Variants in ATP8B1 observed in about 807,000 individuals in gnomAD.
The protein encoded by ATP8B1 is ATPase phospholipid transporting 8B1, also known as phospholipid-transporting ATPase IC.
A neutral mutation model predicts 149.9 loss-of-function variants in ATP8B1; 80 were observed. The observed-to-expected ratio is 0.53, with a 90% CI of 0.45 to 0.64. ATP8B1 has a LOEUF of 0.64. Among genes scored for constraint, ATP8B1 ranks in the 30% least tolerant of loss-of-function variants. ATP8B1 has a pLI of 0.00. For missense variants in ATP8B1, 1,247 were observed against 1,552.6 expected (o/e 0.80, Z 3.31); for synonymous variants, 536 against 562.8 (o/e 0.95, Z 0.67).
chr18:57,758,945 C>T (rs1335648003), intron 1 of ATP8B1, among the ~76,000 whole-genome samples: 1 of 151,938 alleles, frequency 6.6e-6, no homozygotes, highest in Non-Finnish European at 1.5e-5. Context: ...ATCACAAGGT[C>T]AAGAGATCAA....
intron 23 of ATP8B1, among the ~76,000 whole-genome samples, 174 bp downstream of exon 23, chr18:57,655,020 C>T (rs780501306): frequency 2.6e-5 from 4 of 152,176 alleles, no homozygotes; most frequent in Non-Finnish European, 4.4e-5. Flanking sequence ...AATGTTTTTA[C>T]AGCACCAGAA....
At chr18:57,669,562 C>G in intron 17 of ATP8B1, 80 bp from the exon 18 acceptor site, 5 of 1,337,148 alleles carry the variant, frequency 3.7e-6, no homozygotes, top group Non-Finnish European at 5.2e-6. Context: ...TGAAATTTTA[C>G]TTTGAAGTAA....
At chr18:57,656,456 G>A (rs1372263897) in intron 22 of ATP8B1, among the ~76,000 whole-genome samples, 1 of 150,518 alleles carries the variant, frequency 6.6e-6, no homozygotes, top group Non-Finnish European at 1.5e-5. Context: ...CGCAGTCTTG[G>A]CTCACTGCAA....
At chr18:57,692,088 C>T in intron 11 of ATP8B1, 91 bp from the exon 12 acceptor site, 1 of 1,529,950 alleles carries the variant, frequency 6.5e-7, no homozygotes, top group Non-Finnish European at 8.8e-7. Context: ...CTCAATACTT[C>T]ATATGATTGA....
At chr18:57,739,408 T>G (rs993465867) in intron 1 of ATP8B1, among the ~76,000 whole-genome samples, 19 of 152,196 alleles carry the variant, frequency 1.2e-4, no homozygotes, top group African/African-American at 4.6e-4. Context: ...CACCTACATT[T>G]CTGTTTCCTT....
rs750928701 is a variant in ATP8B1 at position 57,697,638 on chromosome 18, C to T, written c.678G>A (p.Val226=). The T allele has an allele frequency of 6.2e-7, 1 of 1,613,898 alleles. No homozygotes were observed. The highest frequency in any genetic ancestry group is 1.1e-5 in the South Asian group (1 of 91,044). ...CTTACCCATCCAGTTCTGCTGTTTC[C>T]ACATAGCAGAGGCTGTTAGGCTCAG... ...SSSEPNSLCY[V]ETAELDGETN... is the part of the protein sequence containing the mutation. The change falls in exon 8 of 28, where the codon GTG becomes GTA. Residue 226 remains valine (V), a synonymous_variant. Coordinates refer to ENST00000648908, the MANE Select transcript of ATP8B1 (RefSeq NM_001374385.1).
At chr18:57,697,757 A>G (rs778581052) in intron 7 of ATP8B1, 38 bp downstream of exon 7, 1 of 1,612,340 alleles carries the variant, frequency 6.2e-7, no homozygotes, top group East Asian at 2.2e-5. Context: ...GGGCTGGGGG[A>G]GAACAAGGAA....
At chr18:57,778,808 G>T (rs986233865) in intron 1 of ATP8B1, among the ~76,000 whole-genome samples, 5 of 152,106 alleles carry the variant, frequency 3.3e-5, no homozygotes, top group African/African-American at 9.7e-5. Flanking sequence ...GAGGGAAGTG[G>T]GGTGTTTCTG....
chr18:57,688,431 G>C lies in ATP8B1; in HGVS notation c.1297C>G (p.Pro433Ala). ...AGTGTGGTGGTTCTAGCTTTTGCGG[G>C]TGTGTCCTTCTCAGCATAGTACATT... ...LQMYYAEKDTPAKARTTTLNE... is the reference protein window; with the variant it reads ...LQMYYAEKDTAAKARTTTLNE... The change falls in exon 13 of 28, where the codon CCC becomes GCC. Residue 433 changes from proline (P) to alanine (A), a missense_variant. Around this residue, in one of 3 missense-constraint regions of ATP8B1, gnomAD observed 853 missense variants for 1,035.7 expected, o/e 0.82. Coordinates refer to ENST00000648908, the MANE Select transcript of ATP8B1 (RefSeq NM_001374385.1). 1 of 1,614,194 alleles carries C rather than the reference G, an allele frequency of 6.2e-7. No individual in the cohort carries two copies. The highest frequency in any genetic ancestry group is 8.5e-7 in the Non-Finnish European group (1 of 1,180,038).
chr18:57,720,927 G>T (rs2079639037), intron 2 of ATP8B1, among the ~76,000 whole-genome samples: 1 of 150,338 alleles, frequency 6.7e-6, no homozygotes, highest in Non-Finnish European at 1.5e-5. Context: ...CCAGAAGAGA[G>T]TGGGGGCCAG....
intron 6 of ATP8B1, among the ~76,000 whole-genome samples, chr18:57,699,707 C>T (rs1455815477): frequency 2.0e-5 from 3 of 147,538 alleles, no homozygotes; most frequent in South Asian, 4.3e-4. Flanking sequence ...GGCGACAGAG[C>T]GAGACTCCGT....
chr18:57,728,832 G>T (rs111533306), intron 2 of ATP8B1, among the ~76,000 whole-genome samples: 1 of 150,448 alleles, frequency 6.6e-6, no homozygotes, highest in Non-Finnish European at 1.5e-5. Context: ...CGATTCTCCT[G>T]CCTCAGCCTC....
intron 19 of ATP8B1, chr18:57,667,620 A>G (rs1910956193): frequency 5.0e-6 from 1 of 201,446 alleles, no homozygotes; most frequent in Admixed American, 5.3e-5. Context: ...CTAATTTGAA[A>G]TGTTTTCAAT....
intron 2 of ATP8B1, among the ~76,000 whole-genome samples, chr18:57,723,002 T>C (rs1010537257): frequency 6.6e-6 from 1 of 150,422 alleles, no homozygotes; most frequent in Admixed American, 6.6e-5. Flanking sequence ...AAAAACCACA[T>C]GATTATCTCA....
chr18:57,674,961 G>A lies in ATP8B1; in HGVS notation c.1692C>T (p.Asn564=), dbSNP rs572780544. ...TCCTGGCGAGGAAGGCAAAGCCAAA[G>A]TTCCTGGCAGCGTTTACCAGGGCAC... The part of the protein sequence containing the change: ...DEGALVNAAR[N]FGFAFLARTQ... The change falls in exon 16 of 28, where the codon AAC becomes AAT. Residue 564 remains asparagine (N), a synonymous_variant. Transcript: ENST00000648908. The A allele has an allele frequency of 2.1e-5, 34 of 1,614,238 alleles. No homozygotes were observed. In the South Asian group the frequency reaches 3.5e-4, roughly 17 times the overall value.
chr18:57,794,463 TAAAAA>T (rs58976028), intron 1 of ATP8B1, among the ~76,000 whole-genome samples: 14 of 110,430 alleles, frequency 1.3e-4, no homozygotes, highest in Admixed American at 1.9e-4. Context: ...AACCTGACAT[TAAAAA>T]AAAAAAAAAA....
chr18:57,734,239 G>C (rs2079822482), intron 1 of ATP8B1: 1 of 152,076 alleles, frequency 6.6e-6, no homozygotes, highest in African/African-American at 2.4e-5. Flanking sequence ...ACCCAGGCTA[G>C]AGTGCAGTGG....
chr18:57,802,514 ATACGTT>A lies in ATP8B1; in HGVS notation c.-26+478_-26+483del, dbSNP rs2080589225. ...CTCCCGGCAGGTGGGCCGCGGTCAG[ATACGTT>A]TGGCCCGCAAGTCCTTTTCGGACAC... On this transcript the variant is annotated intron_variant, in intron 1 of 27. Transcript: ENST00000648908. The surrounding 1 kb of genome is among the most constrained non-coding windows in gnomAD (Gnocchi z 4.9). Among the ~76,000 whole-genome samples, 2 of 152,118 alleles carry A rather than the reference ATACGTT, an allele frequency of 1.3e-5. No homozygotes were observed. Among genetic ancestry groups the A allele is most frequent in the South Asian group, 4.2e-4 (2 of 4,810 alleles).
At chr18:57,713,300 C>G (rs1599144788) in intron 2 of ATP8B1, among the ~76,000 whole-genome samples, 2 of 137,800 alleles carry the variant, frequency 1.5e-5, no homozygotes, top group African/African-American at 5.4e-5. Context: ...CTCTCTCTCT[C>G]TTTCTTTCTT....
Sources: gnomAD v4.1 joint callset for allele counts (sites outside exome capture counted in the v4.1 genomes callset) on GRCh38, gnomAD v4.1.1 for gene constraint, gnomAD v4.1.1 regional missense constraint, Gnocchi (gnomAD v3.1) non-coding constraint, MANE v1.5 for transcripts, NCBI Gene and HGNC (gene_info 2026-07-23, HGNC 2026-07-21) for gene names.